The following NR2F1-AS1 variants were observed in gnomAD, a reference collection of about 807,000 sequenced individuals.
NR2F1-AS1 encodes NR2F1 antisense RNA 1.
intron 1 of NR2F1-AS1, among the ~76,000 whole-genome samples, chr5:93,571,607 T>C (rs1022844010): frequency 2.6e-5 from 4 of 151,934 alleles, no homozygotes; most frequent in African/African-American, 7.3e-5. Flanking sequence ...TTCCTTAGAC[T>C]CTTTCATCCT....
intron 4 of NR2F1-AS1, among the ~76,000 whole-genome samples, chr5:93,424,978 C>T (rs1749164838): frequency 6.6e-6 from 1 of 152,208 alleles, no homozygotes; most frequent in African/African-American, 2.4e-5. Flanking sequence ...AACTCCTTAA[C>T]ATTCTCTCCA....
intron 4 of NR2F1-AS1, among the ~76,000 whole-genome samples, chr5:93,414,338 G>A (rs908240154): frequency 1.8e-4 from 28 of 152,178 alleles, no homozygotes; most frequent in African/African-American, 6.8e-4. Context: ...TTAAAGAGAT[G>A]AATGGCCACA....
chr5:93,440,826 A>G (rs73133228), intron 4 of NR2F1-AS1, among the ~76,000 whole-genome samples: 19,172 of 152,186 alleles, frequency 0.13, 1,517 homozygotes, highest in African/African-American at 0.22. Context: ...GGAAAAATAA[A>G]TGCATTTTTT....
At chr5:93,559,542 T>C (rs1315064974) in intron 2 of NR2F1-AS1, among the ~76,000 whole-genome samples, 1 of 152,240 alleles carries the variant, frequency 6.6e-6, no homozygotes, top group Non-Finnish European at 1.5e-5. Flanking sequence ...TTTTGGCCTG[T>C]GTTGGCTTTT....
At chr5:93,577,818 C>A (rs147811739) in intron 1 of NR2F1-AS1, among the ~76,000 whole-genome samples, 333 of 152,232 alleles carry the variant, frequency 2.2e-3, no homozygotes, top group African/African-American at 7.8e-3. Context: ...TCCAGATGGG[C>A]TCGATAAAAC....
intron 4 of NR2F1-AS1, among the ~76,000 whole-genome samples, chr5:93,443,565 T>G (rs1282203508): frequency 1.3e-5 from 2 of 152,180 alleles, no homozygotes; most frequent in Non-Finnish European, 2.9e-5. Context: ...AGACCAAATC[T>G]ACATCTGACT....
upstream of NR2F1-AS1, chr5:93,585,541 T>C: frequency 1.4e-6 from 2 of 1,382,214 alleles, no homozygotes; most frequent in South Asian, 2.5e-5. Flanking sequence ...CCCTGGCTCT[T>C]TCTTTCTTTC....
At chr5:93,488,516 G>C (rs920101306) in intron 4 of NR2F1-AS1, among the ~76,000 whole-genome samples, 1 of 152,218 alleles carries the variant, frequency 6.6e-6, no homozygotes, top group African/African-American at 2.4e-5. Flanking sequence ...CTGGTCATTA[G>C]AGAAATGCAA....
intron 4 of NR2F1-AS1, among the ~76,000 whole-genome samples, chr5:93,417,759 T>A (rs1158996592): frequency 6.6e-6 from 1 of 152,204 alleles, no homozygotes; most frequent in Admixed American, 6.5e-5. Context: ...GATATGCTTC[T>A]AGGTACACAA....
intron 4 of NR2F1-AS1, among the ~76,000 whole-genome samples, chr5:93,423,923 A>G (rs1749142670): frequency 6.6e-6 from 1 of 152,116 alleles, no homozygotes; most frequent in African/African-American, 2.4e-5. Flanking sequence ...TGTCTTTACT[A>G]ATTCCTCTTC....
chr5:93,481,291 G>A (rs145021259), intron 4 of NR2F1-AS1, among the ~76,000 whole-genome samples: 215 of 151,968 alleles, frequency 1.4e-3, no homozygotes, highest in Non-Finnish European at 2.4e-3. Context: ...ATTTTATAAG[G>A]ATAAAAGGAT....
intron 4 of NR2F1-AS1, among the ~76,000 whole-genome samples, chr5:93,473,715 C>A (rs2149871545): frequency 6.6e-6 from 1 of 151,588 alleles, no homozygotes; most frequent in Middle Eastern, 3.4e-3. Context: ...CACACACACT[C>A]AAATCCCTTT....
intron 4 of NR2F1-AS1, among the ~76,000 whole-genome samples, chr5:93,487,032 G>C (rs956788669): frequency 6.6e-6 from 1 of 152,130 alleles, no homozygotes; most frequent in Non-Finnish European, 1.5e-5. Flanking sequence ...AAAGGCCTTT[G>C]ATAAAATTCA....
At chr5:93,488,241 G>A (rs1046636280) in intron 4 of NR2F1-AS1, among the ~76,000 whole-genome samples, 1 of 152,132 alleles carries the variant, frequency 6.6e-6, no homozygotes, top group Admixed American at 6.6e-5. Context: ...TTGACAAATG[G>A]AATCTAATTA....
intron 4 of NR2F1-AS1, among the ~76,000 whole-genome samples, chr5:93,524,526 G>A (rs888056627): frequency 2.0e-5 from 3 of 152,062 alleles, no homozygotes; most frequent in East Asian, 1.9e-4. Flanking sequence ...GATATTCCTC[G>A]AGAAGAACAA....
At chr5:93,565,345 T>C (rs1387810905) in intron 1 of NR2F1-AS1, among the ~76,000 whole-genome samples, 4 of 152,166 alleles carry the variant, frequency 2.6e-5, no homozygotes, top group Admixed American at 1.3e-4. Flanking sequence ...TGCCCAGTCA[T>C]AGGTGATAAG....
chr5:93,584,641 A>C, upstream of NR2F1-AS1: 1 of 126,470 alleles, frequency 7.9e-6, no homozygotes, highest in Non-Finnish European at 1.6e-5. Context: ...GGGGGGAAGG[A>C]GAGCGCGGCC....
upstream of NR2F1-AS1, chr5:93,585,503 T>C: frequency 6.3e-7 from 1 of 1,592,486 alleles, no homozygotes; most frequent in Non-Finnish European, 8.6e-7. Context: ...ATTTCTTCTC[T>C]GCTTCTCTCC....
chr5:93,529,750 C>T (rs1751695058), intron 4 of NR2F1-AS1, among the ~76,000 whole-genome samples: 1 of 151,826 alleles, frequency 6.6e-6, no homozygotes, highest in East Asian at 1.9e-4. Flanking sequence ...TAATAAATTG[C>T]TAGGTTGCAG....
Sources: allele counts gnomAD v4.1 joint callset (sites outside exome capture counted in the v4.1 genomes callset), GRCh38; gene constraint gnomAD v4.1.1; transcripts MANE v1.5; gene names NCBI Gene and HGNC (gene_info 2026-07-23, HGNC 2026-07-21).